The following ADARB1 variants were observed in gnomAD, a reference collection of about 807,000 sequenced individuals.
ADARB1 encodes adenosine deaminase RNA specific B1.
A neutral mutation model predicts 52.4 loss-of-function variants in ADARB1; 10 were observed. The observed-to-expected ratio is 0.19, with a 90% confidence interval of 0.12 to 0.32. The LOEUF (loss-of-function observed/expected upper bound fraction) is 0.32. Ranked by LOEUF, ADARB1 falls within the 10% of genes least tolerant of loss-of-function variation. ADARB1 has a pLI of 1.00. For missense variants in ADARB1, 643 were observed against 922.3 expected, an observed-to-expected ratio of 0.70 and a Z score of 3.92; for synonymous variants, 349 against 371.1, an observed-to-expected ratio of 0.94 and a Z score of 0.68.
At chr21:45,194,881 T>A (rs1275026025) in intron 8 of ADARB1, among the ~76,000 whole-genome samples, 1 of 152,248 alleles carries the variant, frequency 6.6e-6, no homozygotes, top group Non-Finnish European at 1.5e-5. Flanking sequence ...TATAAATATC[T>A]GTGTGCAGGT....
chr21:45,132,629 G>A lies in ADARB1; in HGVS notation c.-48+4056G>A, dbSNP rs79827325. ...TCCTGTGGGTGGGCTTAGGGGATGT[G>A]AGGGATTCACTTTCAGATGTGACAC... is the stretch of plus-strand genomic sequence containing the variant. On this transcript the variant is annotated intron_variant, in intron 2 of 10. Transcript: ENST00000348831. 4.2e-3 allele frequency among the ~76,000 whole-genome samples: 635 copies of A among 152,314 alleles called. 4 individuals are homozygous for A. Among genetic ancestry groups the A allele is most frequent in the African/African-American group, 0.014 (602 of 41,550 alleles).
intron 1 of ADARB1, among the ~76,000 whole-genome samples, chr21:45,076,787 A>G (rs1166679105): frequency 2.6e-5 from 4 of 152,266 alleles, no homozygotes; most frequent in African/African-American, 4.8e-5. Context: ...CAGTGAATGC[A>G]TAAAACAAAC....
intron 1 of ADARB1, among the ~76,000 whole-genome samples, chr21:45,079,606 C>A (rs1054102025): frequency 6.6e-6 from 1 of 152,168 alleles, no homozygotes; most frequent in African/African-American, 2.4e-5. Context: ...CTTGAGCAAG[C>A]AGTCTAATCT....
chr21:45,120,419 G>A (rs546032597), intron 1 of ADARB1, among the ~76,000 whole-genome samples: 7 of 152,262 alleles, frequency 4.6e-5, no homozygotes, highest in South Asian at 2.1e-4. Flanking sequence ...AAGCCCATTC[G>A]TGAACTGTCG....
intron 5 of ADARB1, among the ~76,000 whole-genome samples, chr21:45,181,880 G>A (rs1424315631): frequency 6.6e-6 from 1 of 152,242 alleles, no homozygotes; most frequent in East Asian, 1.9e-4. Context: ...TGGGAATGCA[G>A]TGAGGACAAT....
At chr21:45,182,833 A>G in intron 6 of ADARB1, 80 bp downstream of exon 6, 1 of 1,279,176 alleles carries the variant, frequency 7.8e-7, no homozygotes, top group Non-Finnish European at 1.0e-6. Context: ...AAAACCTTTC[A>G]TTGTTTCTGT....
At chr21:45,183,797 TAA>T (rs2092007411) in intron 7 of ADARB1, among the ~76,000 whole-genome samples, 1 of 152,256 alleles carries the variant, frequency 6.6e-6, no homozygotes, top group African/African-American at 2.4e-5. Flanking sequence ...TAAATATCTC[TAA>T]ATCAGAGGTG....
intron 3 of ADARB1, among the ~76,000 whole-genome samples, chr21:45,174,692 T>C (rs1303827014): frequency 6.6e-6 from 1 of 151,284 alleles, no homozygotes; most frequent in Non-Finnish European, 1.5e-5. Context: ...AATACATACA[T>C]ACATACATAC....
At chr21:45,191,872 A>ATATG (rs2092299606) in intron 8 of ADARB1, among the ~76,000 whole-genome samples, 1 of 22,162 alleles carries the variant, frequency 4.5e-5, no homozygotes, top group African/African-American at 1.7e-4. Context: ...ATATATATAT[A>ATATG]TATATATATT....
chr21:45,124,478 G>A (rs558882559), intron 1 of ADARB1, among the ~76,000 whole-genome samples: 32 of 152,124 alleles, frequency 2.1e-4, no homozygotes, highest in South Asian at 2.1e-3. Context: ...GGGCTCAGAC[G>A]ATCCTCCTGC....
intron 7 of ADARB1, chr21:45,184,501 T>C (rs897439845): frequency 1.0e-5 from 3 of 293,520 alleles, no homozygotes; most frequent in African/African-American, 4.6e-5. Flanking sequence ...CAGGCTGGAG[T>C]GCAGTGGTGC....
chr21:45,083,843 G>C (rs2086239747), intron 1 of ADARB1, among the ~76,000 whole-genome samples: 1 of 152,224 alleles, frequency 6.6e-6, no homozygotes, highest in Admixed American at 6.5e-5. Flanking sequence ...TGGGGCTACA[G>C]GTGGATGCCA....
At chr21:45,138,265 G>T (rs141551939) in intron 2 of ADARB1, among the ~76,000 whole-genome samples, 119 of 152,292 alleles carry the variant, frequency 7.8e-4, no homozygotes, top group African/African-American at 2.6e-3. Context: ...GCTCCGTGAC[G>T]TTTCTCCAAC....
chr21:45,172,027 A>G lies in ADARB1; in HGVS notation c.28+343A>G, dbSNP rs2091502991. ...GAGTATTCACACATACAAATCGAAG[A>G]TAACGTCTGAGATTGATTTAAATAC... On this transcript the variant is annotated intron_variant, in intron 3 of 10. Transcript: ENST00000348831. This position sits in a 1 kb window ranked among gnomAD's most constrained non-coding sequence, Gnocchi z 4.4. Among the ~76,000 whole-genome samples, 1 of 152,200 alleles carries G rather than the reference A, an allele frequency of 6.6e-6. No homozygotes were observed. Among genetic ancestry groups the G allele is most frequent in the Non-Finnish European group, 1.5e-5 (1 of 68,036 alleles).
chr21:45,154,922 C>G (rs1226831030), intron 2 of ADARB1, among the ~76,000 whole-genome samples: 2 of 152,222 alleles, frequency 1.3e-5, no homozygotes, highest in Non-Finnish European at 2.9e-5. Flanking sequence ...GTGGCTGCTG[C>G]TGTAGCCTCA....
rs1569190734 is a variant in ADARB1 at position 45,222,211 on chromosome 21, G to A, written c.*14G>A. The stretch of plus-strand genomic sequence containing the variant: ...CTCACGCCCTGACCCGGGCAGACAT[G>A]ATGGGGGGTGCAGGGGGCTGTGGGC... On this transcript the variant is annotated 3_prime_UTR_variant, in exon 11 of 11. Transcript: ENST00000348831. The A allele has an allele frequency of 1.2e-5, 19 of 1,546,074 alleles. No individual in the cohort carries two copies. Among genetic ancestry groups the A allele is most frequent in the Non-Finnish European group, 1.7e-5 (19 of 1,150,654 alleles).
intron 8 of ADARB1, among the ~76,000 whole-genome samples, chr21:45,192,130 A>G (rs1268605652): frequency 6.6e-6 from 1 of 151,982 alleles, no homozygotes; most frequent in Non-Finnish European, 1.5e-5. Context: ...AGGTGGATCT[A>G]TAATTAGAGA....
At chr21:45,130,053 G>A (rs1008956283) in intron 2 of ADARB1, among the ~76,000 whole-genome samples, 35 of 152,154 alleles carry the variant, frequency 2.3e-4, no homozygotes, top group African/African-American at 8.2e-4. Flanking sequence ...TTCAGCCACA[G>A]CGCTTCTTCT....
chr21:45,205,862 G>A (rs539982560), intron 9 of ADARB1, among the ~76,000 whole-genome samples: 4 of 152,178 alleles, frequency 2.6e-5, no homozygotes, highest in Non-Finnish European at 5.9e-5. Flanking sequence ...GTGTGCTTGT[G>A]TTTGTGCTGC....
Sources: allele counts gnomAD v4.1 joint callset (sites outside exome capture counted in the v4.1 genomes callset), GRCh38; gene constraint gnomAD v4.1.1; non-coding constraint Gnocchi (gnomAD v3.1); transcripts MANE v1.5; gene names NCBI Gene and HGNC (gene_info 2026-07-23, HGNC 2026-07-21).